The following SLC13A5 variants were observed in gnomAD, a reference collection of about 807,000 sequenced individuals.
The protein encoded by SLC13A5 is solute carrier family 13 member 5.
SLC13A5 carries 25 observed loss-of-function variants against 56.5 expected under a neutral mutation model. The ratio of observed to expected loss-of-function variants is 0.44; its 90% confidence interval spans 0.32 to 0.62. The LOEUF is 0.62. SLC13A5 is among the 20% of genes least tolerant of loss of function. SLC13A5 has a pLI of 0.04. For synonymous variants in SLC13A5, 307 were observed against 301.5 expected, an observed-to-expected ratio of 1.02 and a Z score of -0.19; for missense variants, 649 against 737.8, an observed-to-expected ratio of 0.88 and a Z score of 1.39.
chr17:6,693,021 C>A (rs1024662595), intron 9 of SLC13A5, 23 bp downstream of exon 9: 3 of 1,587,132 alleles, frequency 1.9e-6, no homozygotes, highest in Admixed American at 1.7e-5. Flanking sequence ...GGGCTCTGGG[C>A]AGCCTGTGGC....
intron 1 of SLC13A5, among the ~76,000 whole-genome samples, chr17:6,712,720 G>A (rs764339569): frequency 1.3e-5 from 2 of 152,246 alleles, no homozygotes; most frequent in African/African-American, 2.4e-5. Flanking sequence ...AGACAGCGCA[G>A]GATCCACGTG....
chr17:6,704,412 T>A, intron 3 of SLC13A5: 1 of 406,226 alleles, frequency 2.5e-6, no homozygotes, highest in Middle Eastern at 3.5e-4. Context: ...GCCAACTCAA[T>A]ATGAGCTTGC....
At chr17:6,712,904 T>G (rs1974077818) in intron 1 of SLC13A5, among the ~76,000 whole-genome samples, 1 of 152,188 alleles carries the variant, frequency 6.6e-6, no homozygotes, top group Non-Finnish European at 1.5e-5. Context: ...TGTGGGAGAT[T>G]CGATTCGGAG....
At chr17:6,696,924 C>T (rs1973577867) in intron 6 of SLC13A5, among the ~76,000 whole-genome samples, 1 of 152,108 alleles carries the variant, frequency 6.6e-6, no homozygotes, top group Non-Finnish European at 1.5e-5. Flanking sequence ...GTGTGAGGGC[C>T]AAGTGTTGGT....
chr17:6,686,411 C>T (rs577203458), intron 11 of SLC13A5, 73 bp from the exon 12 acceptor site: 184 of 1,595,758 alleles, frequency 1.2e-4, no homozygotes, highest in East Asian at 3.6e-4. Context: ...GACAAAGGGT[C>T]GGCTCACTGG....
Position 6,690,919 on chromosome 17 carries a change from T to G in SLC13A5, c.1297A>C (p.Met433Leu). The change falls in exon 10 of 12, where the codon ATG becomes CTG. Residue 433 changes from methionine (M) to leucine (L), a missense_variant. By Grantham distance (15) the Met-to-Leu change is conservative. Coordinates refer to ENST00000433363, the MANE Select transcript of SLC13A5 (RefSeq NM_177550.5). Reference protein sequence around the residue: ...GSEASGLSVWMGKQMEPLHAV... With the variant: ...GSEASGLSVWLGKQMEPLHAV... ...TGCAAGGGCTCCATCTGCTTCCCCA[T>G]CCACACGGACAGCCCCGAGGCCTGG... is the stretch of plus-strand genomic sequence containing the variant. 1.2e-6 allele frequency: 2 copies of G among 1,612,168 alleles called. No homozygotes were observed. Among genetic ancestry groups the G allele is most frequent in the Non-Finnish European group, 1.7e-6 (2 of 1,178,764 alleles).
At chr17:6,700,419 C>G (rs968277264) in intron 6 of SLC13A5, among the ~76,000 whole-genome samples, 1 of 152,116 alleles carries the variant, frequency 6.6e-6, no homozygotes, top group African/African-American at 2.4e-5. Flanking sequence ...TTAAACTCCC[C>G]GTGCATTGAG....
chr17:6,706,705 C>A lies in SLC13A5; in HGVS notation c.305G>T (p.Arg102Leu). The A allele has an allele frequency of 1.2e-6, 2 of 1,613,952 alleles. No homozygotes were observed. Among genetic ancestry groups the A allele is most frequent in the Non-Finnish European group, 8.5e-7 (1 of 1,179,968 alleles). ...GGCGATCCTCTTGTGCAGGTTCCAG[C>A]GCTCCACAGCCACGGCCACGATGAG... ...GGLIVAVAVE[R>L]WNLHKRIALR... Residue 102 changes from arginine (R) to leucine (L), a missense_variant, in exon 3 of 12, where the codon CGC (arginine) becomes CTC (leucine). By Grantham distance (102) the Arg-to-Leu change is moderately radical. Transcript: ENST00000433363.
Position 6,711,464 on chromosome 17 carries a change from GAGTT to G in SLC13A5, c.102+1764_102+1767del, listed in dbSNP as rs1477933240. Among the ~76,000 whole-genome samples the G allele has an allele frequency of 9.3e-5, 14 of 150,550 alleles. No individual in the cohort carries two copies. The highest frequency in any genetic ancestry group is 9.2e-4 in the Admixed American group (14 of 15,150). ...ACATACACACACATACACACACACTGAGTTAGGGTTTCCAGTTCAGGGTGTGTGT... is the reference window on the plus strand; with the variant it reads ...ACATACACACACATACACACACACTGAGGGTTTCCAGTTCAGGGTGTGTGT... On this transcript the variant is annotated intron_variant, in intron 1 of 11. Coordinates refer to ENST00000433363, the MANE Select transcript of SLC13A5 (RefSeq NM_177550.5). This position sits in a 1 kb window ranked among gnomAD's most constrained non-coding sequence, Gnocchi z 4.0.
In SLC13A5 at chr17:6,686,423, C is replaced by T. The variant is rs951034543; in HGVS notation, c.1576-85G>A. The T allele has an allele frequency of 4.5e-6, 7 of 1,540,330 alleles. No individual in the cohort carries two copies. In the African/African-American group the frequency reaches 6.8e-5, roughly 15 times the overall value. The stretch of plus-strand genomic sequence containing the variant: ...GAGGACAAAGGGTCGGCTCACTGGG[C>T]CTCGATGTCCCTGTGCCATGCTCTG... On this transcript the variant is annotated intron_variant, in intron 11 of 11. Coordinates refer to ENST00000433363, the MANE Select transcript of SLC13A5 (RefSeq NM_177550.5).
intron 6 of SLC13A5, among the ~76,000 whole-genome samples, chr17:6,698,422 C>A (rs1319509756): frequency 2.6e-5 from 4 of 152,228 alleles, no homozygotes; most frequent in Admixed American, 1.3e-4. Flanking sequence ...GCCCTTGCGG[C>A]CTCGGCGCCA....
intron 11 of SLC13A5, chr17:6,686,991 A>G (rs1973269152): frequency 6.2e-6 from 1 of 160,808 alleles, no homozygotes; most frequent in Non-Finnish European, 1.3e-5. Flanking sequence ...AGAGCTGCAA[A>G]GCTGCCCTTC....
At chr17:6,699,160 A>G (rs996015049) in intron 6 of SLC13A5, among the ~76,000 whole-genome samples, 3 of 152,176 alleles carry the variant, frequency 2.0e-5, no homozygotes, top group African/African-American at 7.2e-5. Context: ...ATGAGCACTC[A>G]ATAAATGTTG....
Position 6,711,039 on chromosome 17 carries a change from G to A in SLC13A5, c.102+2193C>T, listed in dbSNP as rs555423647. ...GATGAGGCCAGGAGGGAATCCAGGT[G>A]GAGACAGGAAAACTGGAGACAGTCG... On this transcript the variant is annotated intron_variant, in intron 1 of 11. Coordinates refer to ENST00000433363, the MANE Select transcript of SLC13A5 (RefSeq NM_177550.5). This position sits in a 1 kb window ranked among gnomAD's most constrained non-coding sequence, Gnocchi z 4.0. Among the ~76,000 whole-genome samples, 6 of 152,118 alleles carry A rather than the reference G, an allele frequency of 3.9e-5. No homozygotes were observed. The East Asian group carries it at 1.2e-3, about 30-fold the overall frequency.
intron 7 of SLC13A5, 102 bp from the exon 8 acceptor site, chr17:6,694,299 A>G: frequency 1.5e-6 from 1 of 670,710 alleles, no homozygotes; most frequent in African/African-American, 1.8e-5. Flanking sequence ...ATGCAAAGAA[A>G]CAGGCTCACA....
At chr17:6,694,918 C>T (rs1166391684) in intron 7 of SLC13A5, among the ~76,000 whole-genome samples, 1 of 152,204 alleles carries the variant, frequency 6.6e-6, no homozygotes, top group Non-Finnish European at 1.5e-5. Context: ...TGTTTCTCAT[C>T]CTTTCTTCCA....
At chr17:6,689,883 A>G (rs1457360431) in intron 10 of SLC13A5, 1 of 151,782 alleles carries the variant, frequency 6.6e-6, no homozygotes, top group Non-Finnish European at 1.5e-5. Flanking sequence ...CAGTCTACAG[A>G]GGCTTTTCAT....
chr17:6,710,233 T>C (rs1973985013), intron 1 of SLC13A5, among the ~76,000 whole-genome samples: 1 of 152,222 alleles, frequency 6.6e-6, no homozygotes, highest in South Asian at 2.1e-4. Context: ...AGAGGGCGCA[T>C]TGGAGAGAAT....
intron 1 of SLC13A5, among the ~76,000 whole-genome samples, chr17:6,710,627 G>T (rs1193316755): frequency 6.6e-6 from 1 of 152,140 alleles, no homozygotes; most frequent in Non-Finnish European, 1.5e-5. Context: ...CAACAGGCTT[G>T]ACCCCCCTAG....
Sources: gnomAD v4.1 joint callset for allele counts (sites outside exome capture counted in the v4.1 genomes callset) on GRCh38, gnomAD v4.1.1 for gene constraint, Gnocchi (gnomAD v3.1) non-coding constraint, MANE v1.5 for transcripts, NCBI Gene and HGNC (gene_info 2026-07-23, HGNC 2026-07-21) for gene names.